ARFRP1: variants seen among roughly 807,000 people sequenced by gnomAD.
ARFRP1 encodes ARF related protein 1, also known as ADP-ribosylation factor-related protein 1.
Under a neutral mutation model 30.3 loss-of-function variants are expected in ARFRP1, and 19 were observed. The observed-to-expected ratio is 0.63, with a 90% CI of 0.44 to 0.92. The LOEUF (loss-of-function observed/expected upper bound fraction) is 0.92. Ranked by LOEUF, ARFRP1 falls within the 40% of genes least tolerant of loss-of-function variation. The probability of loss-of-function intolerance (pLI) is 0.00; values close to 1 mark genes in which losing one functional copy is unlikely to be tolerated. For missense variants in ARFRP1, 245 were observed against 267.5 expected, an observed-to-expected ratio of 0.92 and a Z score of 0.59; for synonymous variants, 133 against 114.2, an observed-to-expected ratio of 1.16 and a Z score of -1.05.
intron 4 of ARFRP1, chr20:63,704,098 C>T (rs1415997024): frequency 6.6e-6 from 1 of 152,286 alleles, no homozygotes; most frequent in Non-Finnish European, 1.5e-5. Flanking sequence ...GAGCTGAGGT[C>T]CTGGCACATG....
chr20:63,700,863 C>G (rs1298026875), intron 6 of ARFRP1, 161 bp from the exon 7 acceptor site: 1 of 971,474 alleles, frequency 1.0e-6, no homozygotes, highest in Non-Finnish European at 1.5e-6. Context: ...AGTGAGGACC[C>G]TGTGCTCAGC....
chr20:63,702,547 C>T (rs572994317), intron 4 of ARFRP1: 4 of 351,116 alleles, frequency 1.1e-5, no homozygotes, highest in South Asian at 2.8e-5. Context: ...GAGCCCACTT[C>T]ACGGCCAACC....
At chr20:63,702,570 T>C (rs6011039) in intron 4 of ARFRP1, 3 of 321,942 alleles carry the variant, frequency 9.3e-6, no homozygotes, top group South Asian at 3.0e-5. Flanking sequence ...GGCAACACAG[T>C]GAGACTCCGT....
At position 63,700,939 on chromosome 20, in the gene ARFRP1, AC is replaced by A. The variant is rs369724540; in HGVS notation, c.418-238del. ...ACGTCCACACGGCTCCAAGGAGTCCACCCCCCATCCCCTCCCTGGGGGACAC... is the reference window on the plus strand; with the variant it reads ...ACGTCCACACGGCTCCAAGGAGTCCACCCCCATCCCCTCCCTGGGGGACAC... On this transcript the variant is annotated intron_variant, in intron 6 of 7. Coordinates refer to ENST00000622789, the MANE Select transcript of ARFRP1 (RefSeq NM_001267547.3). Among the ~76,000 whole-genome samples the A allele has an allele frequency of 1.3e-4, 20 of 151,894 alleles. No individual in the cohort carries two copies. In the South Asian group the frequency reaches 1.7e-3, roughly 13 times the overall value.
intron 4 of ARFRP1, chr20:63,702,446 G>A: frequency 1.8e-6 from 1 of 557,248 alleles, no homozygotes; most frequent in Non-Finnish European, 3.2e-6. Flanking sequence ...GCCTGATGGT[G>A]GCCAAAGGTG....
At chr20:63,704,543 G>A (rs536132931) in intron 4 of ARFRP1, 3 of 152,348 alleles carry the variant, frequency 2.0e-5, no homozygotes, top group Non-Finnish European at 2.9e-5. Flanking sequence ...CAGCAGAAGT[G>A]GTAGTGAATT....
intron 4 of ARFRP1, chr20:63,704,220 G>A (rs1207473857): frequency 6.6e-6 from 1 of 152,244 alleles, no homozygotes; most frequent in Non-Finnish European, 1.5e-5. Flanking sequence ...CAGGAAACCA[G>A]GGTGGGAGCA....
intron 4 of ARFRP1, chr20:63,705,289 G>C (rs2091400872): frequency 6.2e-6 from 1 of 161,448 alleles, no homozygotes; most frequent in Non-Finnish European, 1.4e-5. Context: ...GGGCGCCTAG[G>C]AAAGGGGAAC....
At chr20:63,704,603 A>G (rs1006091911) in intron 4 of ARFRP1, 6 of 152,288 alleles carry the variant, frequency 3.9e-5, no homozygotes, top group Admixed American at 3.9e-4. Context: ...AGCAGCAAGG[A>G]TGGGCTACAG....
chr20:63,700,355 A>C lies in ARFRP1; in HGVS notation c.*88T>G, dbSNP rs1601229626. 1 of 1,561,978 alleles carries C rather than the reference A, an allele frequency of 6.4e-7. No individual in the cohort carries two copies. Among genetic ancestry groups the C allele is most frequent in the Non-Finnish European group, 8.7e-7 (1 of 1,152,780 alleles). On this transcript the variant is annotated 3_prime_UTR_variant, in exon 8 of 8. Transcript: ENST00000622789. ...AAGAACCCCAAAGCAAAGCAAACCC[A>C]CCCCCCAGATCAGCAGCATGGGAGC... is the stretch of plus-strand genomic sequence containing the variant.
intron 4 of ARFRP1, chr20:63,703,473 G>C (rs985914341): frequency 2.6e-5 from 4 of 151,370 alleles, no homozygotes; most frequent in Non-Finnish European, 1.5e-5. Context: ...GCCCTCCAGG[G>C]TTCTGCAGGT....
rs750696744 is a variant in ARFRP1 at position 63,700,674 on chromosome 20, G to T, written c.446C>A (p.Thr149Lys). Residue 149 changes from threonine to lysine, a missense_variant, in exon 7 of 8, where the codon ACG becomes AAG. By Grantham distance (78) the Thr-to-Lys change is moderately conservative. Coordinates refer to ENST00000622789, the MANE Select transcript of ARFRP1 (RefSeq NM_001267547.3). The stretch of plus-strand genomic sequence containing the variant: ...CTTGCTGGTGCAGTCGCTGAAGGCC[G>T]TCTTGATGTCAGGGATTGAGAGGCA... ...ETCLSIPDIK[T>K]AFSDCTSKIG... The T allele has an allele frequency of 6.2e-7, 1 of 1,610,740 alleles. No individual in the cohort carries two copies. The highest frequency in any genetic ancestry group is 1.3e-5 in the African/African-American group (1 of 74,870).
At chr20:63,701,124 T>C (rs2091183187) in intron 6 of ARFRP1, 1 of 419,494 alleles carries the variant, frequency 2.4e-6, no homozygotes, top group Non-Finnish European at 5.0e-6. Flanking sequence ...CACAACCACC[T>C]GCCCAGTCTT....
chr20:63,706,825 CAGAAACAGA>C, intron 2 of ARFRP1, 87 bp from the exon 3 acceptor site: 2 of 1,289,398 alleles, frequency 1.6e-6, no homozygotes, highest in Non-Finnish European at 2.3e-6. Flanking sequence ...CTTTAAAAGA[CAGAAACAGA>C]AACAGAGCAA....
intron 5 of ARFRP1, 115 bp downstream of exon 5, chr20:63,702,021 C>T (rs1327040848): frequency 1.9e-6 from 2 of 1,026,894 alleles, no homozygotes; most frequent in African/African-American, 3.3e-5. Context: ...CCGTCACCCA[C>T]TAGGCAGGAG....
At chr20:63,704,169 C>T (rs576414022) in intron 4 of ARFRP1, 2 of 152,228 alleles carry the variant, frequency 1.3e-5, no homozygotes, top group African/African-American at 4.8e-5. Flanking sequence ...CGCAATGACG[C>T]CCCTTTCTGT....
At chr20:63,702,003 C>CCCT in intron 5 of ARFRP1, 103 bp from the exon 6 acceptor site, 2 of 669,524 alleles carry the variant, frequency 3.0e-6, no homozygotes, top group Admixed American at 3.5e-5. Context: ...CCTCTGCCCC[C>CCCT]CCCCCCCCCG....
chr20:63,707,082 G>A lies in ARFRP1; in HGVS notation c.10C>T (p.Leu4=). The change falls in exon 2 of 8, where the codon CTG becomes TTG. Residue 4 remains leucine, a synonymous_variant. Coordinates refer to ENST00000622789, the MANE Select transcript of ARFRP1 (RefSeq NM_001267547.3). ...ATGTACTTGTACAAGCCCGACAGCAGCGTGTACATCCTGCCCTGGGCACCC... is the reference window on the plus strand; with the variant it reads ...ATGTACTTGTACAAGCCCGACAGCAACGTGTACATCCTGCCCTGGGCACCC... The part of the protein sequence containing the change: MYT[L]LSGLYKYMFQ... 1 of 1,612,464 alleles carries A rather than the reference G, an allele frequency of 6.2e-7. No homozygotes were observed. The highest frequency in any genetic ancestry group is 8.5e-7 in the Non-Finnish European group (1 of 1,179,362).
chr20:63,707,233 G>A, intron 1 of ARFRP1, 136 bp from the exon 2 acceptor site: 4 of 695,786 alleles, frequency 5.7e-6, no homozygotes, highest in South Asian at 3.6e-5. Context: ...CCGACTCCTC[G>A]TCCCTCTCCC....
Sources: gnomAD v4.1 joint callset for allele counts (sites outside exome capture counted in the v4.1 genomes callset) on GRCh38, gnomAD v4.1.1 for gene constraint, MANE v1.5 for transcripts, NCBI Gene and HGNC (gene_info 2026-07-23, HGNC 2026-07-21) for gene names.